The following TRIM10 variants were observed in gnomAD, a reference collection of about 807,000 sequenced individuals.
TRIM10 encodes tripartite motif-containing protein 10.
In TRIM10, 42 loss-of-function variants were observed where a neutral mutation model predicts 40.0. The ratio of observed to expected loss-of-function variants is 1.05; its 90% CI spans 0.82 to 1.36. The LOEUF (loss-of-function observed/expected upper bound fraction) is 1.36, where lower values mean the gene tolerates loss of function less well. Among genes scored for constraint, TRIM10 ranks in the 40% most tolerant of loss-of-function variants. TRIM10 has a pLI of 0.00. For synonymous variants in TRIM10, 260 were observed against 239.5 expected (o/e 1.09, Z -0.79); for missense variants, 601 against 608.3 (o/e 0.99, Z 0.13).
At chr6:30,159,860 G>A (rs1772910822) in intron 1 of TRIM10, among the ~76,000 whole-genome samples, 1 of 152,120 alleles carries the variant, frequency 6.6e-6, no homozygotes, top group Admixed American at 6.6e-5. Flanking sequence ...TCCACACACA[G>A]ACTTGTACTA....
At chr6:30,159,435 T>C (rs17470302) in intron 1 of TRIM10, among the ~76,000 whole-genome samples, 190 bp from the exon 2 acceptor site, 5,296 of 152,306 alleles carry the variant, frequency 0.035, 182 homozygotes, top group South Asian at 0.16. Context: ...GATTTGTCTC[T>C]AAGACTTTGG....
Position 30,152,936 on chromosome 6 carries a change from T to C in TRIM10, c.*1033A>G, listed in dbSNP as rs1772147844. ...AGTTTCTGAGCCCACAGCTGAGCTA[T>C]TTGTGACCCATTTGCTCCCACTATC... On this transcript the variant is annotated 3_prime_UTR_variant, in exon 7 of 7. Transcript: ENST00000449742. 1 of 152,202 alleles carries C rather than the reference T, an allele frequency of 6.6e-6. No homozygotes were observed. Among genetic ancestry groups the C allele is most frequent in the Non-Finnish European group, 1.5e-5 (1 of 68,034 alleles). 9.4% of individuals were successfully genotyped at this position (152,202 alleles called of 1,614,324 possible).
chr6:30,154,317 C>G lies in TRIM10; in HGVS notation c.1098G>C (p.Thr366=). 10 of 1,613,104 alleles carry G rather than the reference C, an allele frequency of 6.2e-6. No homozygotes were observed. Among genetic ancestry groups the G allele is most frequent in the Non-Finnish European group, 8.5e-6 (10 of 1,180,040 alleles). The part of the protein sequence containing the change: ...AHTGITGGRH[T]WVVSIDLAHG... ...GGGCCAGGTCTATACTCACCACCCA[C>G]GTGTGTCTCCCCCCTGTGATGCCAG... The change falls in exon 7 of 7, where the codon ACG becomes ACC. Residue 366 remains threonine (T), a synonymous_variant. Transcript: ENST00000449742.
chr6:30,155,597 T>C, intron 6 of TRIM10, 130 bp downstream of exon 6: 1 of 704,352 alleles, frequency 1.4e-6, no homozygotes, highest in Non-Finnish European at 2.4e-6. Context: ...ATATGATGTG[T>C]ATATGTATCC....
intron 4 of TRIM10, 32 bp from the exon 5 acceptor site, chr6:30,157,086 T>A: frequency 6.3e-7 from 1 of 1,595,198 alleles, no homozygotes; most frequent in Non-Finnish European, 8.6e-7. Flanking sequence ...GGTCTGGGAA[T>A]TATCATCCTT....
Position 30,161,081 on chromosome 6 carries a change from A to G in TRIM10, c.-223T>C, listed in dbSNP as rs1773054855. The G allele has an allele frequency of 1.3e-5, 8 of 597,208 alleles. No homozygotes were observed. In the South Asian group the frequency reaches 1.8e-4, roughly 13 times the overall value. 37.0% of individuals were successfully genotyped at this position (597,208 alleles called of 1,614,324 possible). The stretch of plus-strand genomic sequence containing the variant: ...GGGAAATAGCAGAGGAGAGGAAGGA[A>G]GAGGGGCTCACAGCATTTCAGAGGT... On this transcript the variant is annotated 5_prime_UTR_variant, in exon 1 of 7. Transcript: ENST00000449742.
chr6:30,157,052 C>T lies in TRIM10; in HGVS notation c.782G>A (p.Cys261Tyr), dbSNP rs543330371. 1 of 1,612,844 alleles carries T rather than the reference C, an allele frequency of 6.2e-7. No individual in the cohort carries two copies. The highest frequency in any genetic ancestry group is 1.3e-5 in the African/African-American group (1 of 75,052). Residue 261 changes from cysteine to tyrosine, a missense_variant and splice_region_variant, in exon 5 of 7, where the codon TGT becomes TAT. Cys to Tyr is a radical substitution (Grantham distance 194). Coordinates refer to ENST00000449742, the MANE Select transcript of TRIM10 (RefSeq NM_006778.4). Reference protein sequence around the residue: ...LTDIRSTLIRCETRKCRKPVA... With the variant: ...LTDIRSTLIRYETRKCRKPVA... ...CGGTTTCCGGCACTTTCTGGTTTCACATCTAGGGGCACAGAAATGGCTGGG... is the reference window on the plus strand; with the variant it reads ...CGGTTTCCGGCACTTTCTGGTTTCATATCTAGGGGCACAGAAATGGCTGGG...
In TRIM10 at chr6:30,160,802, A is replaced by G. The variant is rs2127447326; in HGVS notation, c.57T>C (p.Cys19=). The G allele has an allele frequency of 6.2e-7, 1 of 1,613,844 alleles. No homozygotes were observed. The highest frequency in any genetic ancestry group is 8.5e-7 in the Non-Finnish European group (1 of 1,179,984). The change falls in exon 1 of 7, where the codon TGT becomes TGC. Residue 19 remains cysteine (C), a synonymous_variant. Coordinates refer to ENST00000449742, the MANE Select transcript of TRIM10 (RefSeq NM_006778.4). The part of the protein sequence containing the change: ...SLADEVNCPI[C]QGTLREPVTI... ...TGACCGGCTCCCTCAGGGTACCCTG[A>G]CAGATGGGGCAGTTGACTTCATCTG... is the stretch of plus-strand genomic sequence containing the variant.
At chr6:30,160,345 C>T (rs73426399) in intron 1 of TRIM10, 85 bp downstream of exon 1, 24,824 of 1,467,744 alleles carry the variant, frequency 0.017, 415 homozygotes, top group African/African-American at 0.073. Flanking sequence ...ATTTGGCCTC[C>T]GGGTGGCCTA....
upstream of TRIM10, among the ~76,000 whole-genome samples, chr6:30,161,669 G>C (rs1337752388): frequency 6.6e-6 from 1 of 152,178 alleles, no homozygotes; most frequent in African/African-American, 2.4e-5. Context: ...TCATAAATGA[G>C]AAAGCTGAGG....
rs780802203 is a variant in TRIM10 at position 30,158,615 on chromosome 6, G to A, written c.540C>T (p.Thr180=). ...ACTCAGAAATCACCTGTTGTCTCTT[G>A]GTGGACACCTGAGTCTGAGGGGGCA... The part of the protein sequence containing the change: ...RMQVLLTQVS[T]KRQQVISEFA... Residue 180 remains threonine (T), a synonymous_variant, in exon 3 of 7, where the codon ACC becomes ACT. Transcript: ENST00000449742. 4.3e-6 allele frequency: 7 copies of A among 1,613,022 alleles called. No individual in the cohort carries two copies. The Admixed American group carries it at 1.0e-4, about 23-fold the overall frequency.
At chr6:30,154,537 C>T in intron 6 of TRIM10, 51 bp from the exon 7 acceptor site, 1 of 1,591,758 alleles carries the variant, frequency 6.3e-7, no homozygotes, top group Non-Finnish European at 8.5e-7. Flanking sequence ...CTATTACCTC[C>T]AAGGAAGGCA....
Position 30,153,645 on chromosome 6 carries a change from G to T in TRIM10, c.*324C>A. 1 of 1,560,428 alleles carries T rather than the reference G, an allele frequency of 6.4e-7. No homozygotes were observed. The highest frequency in any genetic ancestry group is 8.7e-7 in the Non-Finnish European group (1 of 1,143,138). ...AGTCATACAACTGGTTGACAGGCTG[G>T]TTCAAGAACCCAGGTCTTCTGACTT... On this transcript the variant is annotated 3_prime_UTR_variant, in exon 7 of 7. Transcript: ENST00000449742.
intron 1 of TRIM10, 63 bp from the exon 2 acceptor site, chr6:30,159,308 T>C: frequency 8.7e-7 from 1 of 1,155,896 alleles, no homozygotes. Flanking sequence ...TGTCTGGTCA[T>C]CTGACCCTCT....
rs150604604 is a variant in TRIM10, at chr6:30,159,144, A to G, written c.525+6T>C. 3.1e-6 allele frequency: 5 copies of G among 1,598,136 alleles called. No individual in the cohort carries two copies. The highest frequency in any genetic ancestry group is 4.3e-6 in the Non-Finnish European group (5 of 1,166,548). ...GGAGGAACCTGGGGAAGGGGTGATG[A>G]CTTACCAGGAGGACTTGCATCCTTT... On this transcript the variant is annotated splice_donor_region_variant and intron_variant, in intron 2 of 6. Coordinates refer to ENST00000449742, the MANE Select transcript of TRIM10 (RefSeq NM_006778.4).
chr6:30,153,845 C>T lies in TRIM10; in HGVS notation c.*124G>A. ...CTATCCCTTACCACCCGGCCCCATC[C>T]CATCTTCTAAAGCAGTCATTTCTAT... On this transcript the variant is annotated 3_prime_UTR_variant, in exon 7 of 7. Coordinates refer to ENST00000449742, the MANE Select transcript of TRIM10 (RefSeq NM_006778.4). The T allele has an allele frequency of 6.2e-7, 1 of 1,607,246 alleles. No individual in the cohort carries two copies. The highest frequency in any genetic ancestry group is 2.2e-5 in the East Asian group (1 of 44,768).
In TRIM10 at chr6:30,160,445, T is replaced by C. The variant is rs55906741; in HGVS notation, c.414A>G (p.Ala138=). Residue 138 remains alanine (A), a synonymous_variant, in exon 1 of 7, where the codon GCA becomes GCG. Coordinates refer to ENST00000449742, the MANE Select transcript of TRIM10 (RefSeq NM_006778.4). ...CCTTTCCTACCCTATAGGGAGCCGC[T>C]GCATCCTCCAGGAAGCGCATGGTGT... ...ATHTMRFLED[A]AAPYREQIHK... 25,992 of 1,613,922 alleles carry C rather than the reference T, an allele frequency of 0.016. 357 individuals carry two copies. The highest frequency in any genetic ancestry group is 0.047 in the African/African-American group (3,501 of 75,032).
Position 30,160,860 on chromosome 6 carries a change from C to G in TRIM10, c.-2G>C. The stretch of plus-strand genomic sequence containing the variant: ...GGTCACAGAGGCAGCAGAGGCCATG[C>G]TGGTCCTGCTGCTATGGCTTCCTCA... On this transcript the variant is annotated 5_prime_UTR_variant, in exon 1 of 7. Coordinates refer to ENST00000449742, the MANE Select transcript of TRIM10 (RefSeq NM_006778.4). 1 of 1,600,950 alleles carries G rather than the reference C, an allele frequency of 6.2e-7. No individual in the cohort carries two copies. The highest frequency in any genetic ancestry group is 8.5e-7 in the Non-Finnish European group (1 of 1,175,402).
chr6:30,160,903 T>G lies in TRIM10; in HGVS notation c.-45A>C, dbSNP rs777071219. On this transcript the variant is annotated 5_prime_UTR_variant, in exon 1 of 7. Coordinates refer to ENST00000449742, the MANE Select transcript of TRIM10 (RefSeq NM_006778.4). ...CTTCCTCAAGGCCACTCTCTCTGCTTGGCCACGGGGGAAGGGCTGGGTCAC... is the reference window on the plus strand; with the variant it reads ...CTTCCTCAAGGCCACTCTCTCTGCTGGGCCACGGGGGAAGGGCTGGGTCAC... 2.6e-6 allele frequency: 4 copies of G among 1,531,904 alleles called. No homozygotes were observed. The African/African-American group carries it at 4.1e-5, about 16-fold the overall frequency. The allele number at this position is 1,531,904 out of a possible 1,614,324, so 94.9% of individuals were successfully genotyped here. A position where few individuals can be genotyped will look rare whatever the true frequency, so the allele number is the denominator to read the frequency against.
Sources: gnomAD v4.1 joint callset for allele counts (sites outside exome capture counted in the v4.1 genomes callset) on GRCh38, gnomAD v4.1.1 for gene constraint, MANE v1.5 for transcripts, NCBI Gene and HGNC (gene_info 2026-07-23, HGNC 2026-07-21) for gene names.